RXRG: variants seen among roughly 807,000 people sequenced by gnomAD.
RXRG encodes the protein retinoic acid receptor RXR-gamma.
In RXRG, 19 loss-of-function variants were observed where a neutral mutation model predicts 49.2. The observed-to-expected ratio is 0.39, with a 90% CI of 0.27 to 0.57. The LOEUF is 0.57. Ranked by LOEUF, RXRG falls within the 20% of genes least tolerant of loss-of-function variation. The probability of loss-of-function intolerance (pLI) is 0.64; values close to 1 mark genes in which losing one functional copy is unlikely to be tolerated. For missense variants in RXRG, 452 were observed against 592.5 expected (o/e 0.76, Z 2.46); for synonymous variants, 224 against 216.6 (o/e 1.03, Z -0.30).
chr1:165,401,000 T>C lies in RXRG; in HGVS notation c.*263A>G. The C allele has an allele frequency of 5.2e-6, 2 of 380,994 alleles. No homozygotes were observed. Among genetic ancestry groups the C allele is most frequent in the Non-Finnish European group, 4.6e-6 (1 of 215,548 alleles). The allele number at this position is 380,994 out of a possible 1,614,324, so 23.6% of individuals were successfully genotyped here. ...GTGAAAAAATAATTTAAACCAATTG[T>C]ATGTACAGAGGCTTGATTAGTTTTC... On this transcript the variant is annotated 3_prime_UTR_variant, in exon 10 of 10. Transcript: ENST00000359842.
At chr1:165,425,792 G>A (rs749466483) in intron 2 of RXRG, among the ~76,000 whole-genome samples, 24 of 152,290 alleles carry the variant, frequency 1.6e-4, no homozygotes, top group Non-Finnish European at 2.8e-4. Context: ...CTGCTCCTGC[G>A]TCTATGACAG....
rs1041167827 is a variant in RXRG, at chr1:165,401,106, A to G, written c.*157T>C. 1 of 642,936 alleles carries G rather than the reference A, an allele frequency of 1.6e-6. No individual in the cohort carries two copies. The highest frequency in any genetic ancestry group is 3.0e-5 in the Admixed American group (1 of 33,340). The allele number at this position is 642,936 out of a possible 1,614,324, so 39.8% of individuals were successfully genotyped here. A position where few individuals can be genotyped will look rare whatever the true frequency, so the allele number is the denominator to read the frequency against. On this transcript the variant is annotated 3_prime_UTR_variant, in exon 10 of 10. Transcript: ENST00000359842. ...AACATCTATACAAAAGTCCACCTAT[A>G]AAAGTCTCATGTGTAGAAAGGTTTT...
intron 4 of RXRG, among the ~76,000 whole-genome samples, chr1:165,415,191 C>G (rs1211626250): frequency 6.6e-6 from 1 of 151,972 alleles, no homozygotes; most frequent in African/African-American, 2.4e-5. Flanking sequence ...AAAAAGTGAG[C>G]CATCAGATAC....
intron 1 of RXRG, among the ~76,000 whole-genome samples, chr1:165,438,185 A>G (rs1658873301): frequency 6.6e-6 from 1 of 152,210 alleles, no homozygotes; most frequent in African/African-American, 2.4e-5. Context: ...AAGTGAAAAT[A>G]CAGGTTGAGT....
Position 165,408,207 on chromosome 1 carries a change from T to C in RXRG, c.1138+20A>G. 1 of 1,591,460 alleles carries C rather than the reference T, an allele frequency of 6.3e-7. No homozygotes were observed. The highest frequency in any genetic ancestry group is 8.6e-7 in the Non-Finnish European group (1 of 1,159,272). ...AAGAGGGCTGAACACACACATCCCC[T>C]GGGGTTGAAGGGCGGTTACCTGGGT... On this transcript the variant is annotated intron_variant, in intron 8 of 9. Transcript: ENST00000359842.
chr1:165,423,583 T>A (rs1461783979), intron 2 of RXRG, among the ~76,000 whole-genome samples: 1 of 152,024 alleles, frequency 6.6e-6, no homozygotes, highest in Non-Finnish European at 1.5e-5. Flanking sequence ...GCCTTCATCA[T>A]GAGGAGTAAT....
intron 2 of RXRG, among the ~76,000 whole-genome samples, chr1:165,428,320 C>A (rs1658557464): frequency 6.6e-6 from 1 of 152,216 alleles, no homozygotes. Context: ...TCCTGGAAAG[C>A]AATGGCCATT....
intron 2 of RXRG, chr1:165,424,708 C>G: frequency 1.1e-6 from 1 of 882,816 alleles, no homozygotes; most frequent in Non-Finnish European, 1.4e-6. Flanking sequence ...TGCTCCCACC[C>G]CTAGACACTT....
At chr1:165,418,676 C>A (rs1658214077) in intron 3 of RXRG, among the ~76,000 whole-genome samples, 1 of 152,202 alleles carries the variant, frequency 6.6e-6, no homozygotes, top group Non-Finnish European at 1.5e-5. Flanking sequence ...AAACCTAGTG[C>A]TCTCAGTTCT....
chr1:165,403,771 TA>T (rs1657658878), intron 9 of RXRG, among the ~76,000 whole-genome samples: 1 of 152,210 alleles, frequency 6.6e-6, no homozygotes, highest in Non-Finnish European at 1.5e-5. Flanking sequence ...TTTTTAACTC[TA>T]AAAAGGCCAC....
At chr1:165,440,039 T>C (rs1658932263) in intron 1 of RXRG, among the ~76,000 whole-genome samples, 1 of 152,076 alleles carries the variant, frequency 6.6e-6, no homozygotes, top group Non-Finnish European at 1.5e-5. Flanking sequence ...AGTCAAGATG[T>C]GGAGTGTTCT....
chr1:165,442,316 C>G (rs1461199200), intron 1 of RXRG, among the ~76,000 whole-genome samples: 2 of 152,202 alleles, frequency 1.3e-5, no homozygotes, highest in African/African-American at 4.8e-5. Flanking sequence ...GCATTTAGGC[C>G]TCCTCTTAAC....
rs1388014423 is a variant in RXRG, at chr1:165,444,443, A to AT, written c.49+401dup. ...AGATAGGCAAAACCTTTTTAATCAC[A>AT]TTTTTTCTCATTACAAGTTGGCTAA... On this transcript the variant is annotated intron_variant, in intron 1 of 9. Transcript: ENST00000359842. 2.0e-5 allele frequency among the ~76,000 whole-genome samples: 3 copies of AT among 152,260 alleles called. 1 individual carries two copies. Among genetic ancestry groups the AT allele is most frequent in the South Asian group, 2.1e-4 (1 of 4,824 alleles).
Position 165,401,162 on chromosome 1 carries a change from G to T in RXRG, c.*101C>A. On this transcript the variant is annotated 3_prime_UTR_variant, in exon 10 of 10. Coordinates refer to ENST00000359842, the MANE Select transcript of RXRG (RefSeq NM_006917.5). Reference sequence around the variant, plus strand: ...TTATAAGCATCACATTTTGGGGACAGGAAGGGGGTCAGGGTGGGAGGTGGA... The same window carrying T: ...TTATAAGCATCACATTTTGGGGACATGAAGGGGGTCAGGGTGGGAGGTGGA... 9.0e-7 allele frequency: 1 copy of T among 1,114,830 alleles called. No homozygotes were observed. The highest frequency in any genetic ancestry group is 1.3e-6 in the Non-Finnish European group (1 of 767,686). 69.1% of individuals were successfully genotyped at this position (1,114,830 alleles called of 1,614,324 possible). A position where few individuals can be genotyped will look rare whatever the true frequency, so the allele number is the denominator to read the frequency against.
intron 3 of RXRG, 116 bp downstream of exon 3, chr1:165,419,754 C>G: frequency 1.2e-6 from 1 of 852,228 alleles, no homozygotes; most frequent in Non-Finnish European, 1.7e-6. Context: ...GGTGGGTCCC[C>G]AGTTAGCCCA....
At chr1:165,428,417 A>C (rs573870262) in intron 2 of RXRG, among the ~76,000 whole-genome samples, 1 of 152,224 alleles carries the variant, frequency 6.6e-6, no homozygotes, top group Admixed American at 6.5e-5. Context: ...GAGAAGAATA[A>C]AAGGGGTCCA....
chr1:165,406,754 T>C (rs1305084064), intron 9 of RXRG, 58 bp downstream of exon 9: 3 of 1,203,776 alleles, frequency 2.5e-6, no homozygotes, highest in African/African-American at 1.5e-5. Context: ...AGGGGCTCAG[T>C]AGATGAAGAG....
At chr1:165,434,719 A>G (rs189296426) in intron 1 of RXRG, among the ~76,000 whole-genome samples, 292 of 152,342 alleles carry the variant, frequency 1.9e-3, no homozygotes, top group African/African-American at 6.8e-3. Context: ...TGGAACTGTC[A>G]CACACCAAAG....
chr1:165,441,927 C>A (rs1278222997), intron 1 of RXRG, among the ~76,000 whole-genome samples: 7 of 152,336 alleles, frequency 4.6e-5, no homozygotes, highest in Admixed American at 1.3e-4. Flanking sequence ...GTAGCCACCA[C>A]ACTTTGGCCA....
Sources: allele counts gnomAD v4.1 joint callset (sites outside exome capture counted in the v4.1 genomes callset), GRCh38; gene constraint gnomAD v4.1.1; transcripts MANE v1.5; gene names NCBI Gene and HGNC (gene_info 2026-07-23, HGNC 2026-07-21).